The following ESRRG variants were observed in gnomAD, a reference collection of about 807,000 sequenced individuals.
ESRRG encodes estrogen related receptor gamma.
ESRRG carries 13 observed loss-of-function variants against 44.0 expected under a neutral mutation model. That is an observed-to-expected ratio of 0.30 (90% CI 0.19 to 0.47). The LOEUF is 0.47. ESRRG is among the 20% of genes least tolerant of loss of function. The pLI, the probability that ESRRG is intolerant of heterozygous loss-of-function variation, is 1.00. For synonymous variants in ESRRG, 215 were observed against 214.6 expected (o/e 1.00, Z -0.02); for missense variants, 395 against 580.6 (o/e 0.68, Z 3.29).
In ESRRG at chr1:217,117,177, G is replaced by A. The variant is rs114544310; in HGVS notation, c.-230+20490C>T. ...CTAAACAACTATGGAACCTTGAAAA[G>A]CCACATCCCTTCTCTAAGCCCCAGC... On this transcript the variant is annotated intron_variant, in intron 1 of 8. Transcript: ENST00000366940. 4.8e-3 allele frequency among the ~76,000 whole-genome samples: 735 copies of A among 152,300 alleles called. 10 individuals are homozygous for A. Among genetic ancestry groups the A allele is most frequent in the African/African-American group, 0.017 (720 of 41,560 alleles).
At position 216,616,527 on chromosome 1, in the gene ESRRG, T is replaced by C. The variant is rs147366159; in HGVS notation, c.589+34446A>G. ...TAAATGCAAATGTGTTAGGATTGTG[T>C]GTTGATCTGTACCTACTGTGATGAC... On this transcript the variant is annotated intron_variant, in intron 3 of 6. Coordinates refer to ENST00000408911, the MANE Select transcript of ESRRG (RefSeq NM_001438.4). Among the ~76,000 whole-genome samples the C allele has an allele frequency of 2.7e-3, 416 of 152,350 alleles. 3 individuals carry two copies. Among genetic ancestry groups the C allele is most frequent in the African/African-American group, 9.6e-3 (400 of 41,582 alleles).
chr1:216,508,843 A>G (rs551728260), intron 6 of ESRRG, among the ~76,000 whole-genome samples: 35 of 152,284 alleles, frequency 2.3e-4, no homozygotes, highest in African/African-American at 8.4e-4. Context: ...TAGATACACA[A>G]AAGACTGCAA....
At chr1:216,586,764 A>G (rs1186540253) in intron 3 of ESRRG, among the ~76,000 whole-genome samples, 2 of 151,850 alleles carry the variant, frequency 1.3e-5, no homozygotes, top group African/African-American at 4.8e-5. Flanking sequence ...TTTTGTAGAG[A>G]CGGGGTTTCA....
chr1:217,030,627 A>AT (rs996345541), intron 1 of ESRRG, among the ~76,000 whole-genome samples: 1 of 152,048 alleles, frequency 6.6e-6, no homozygotes, highest in East Asian at 1.9e-4. Context: ...CTTCATTGTT[A>AT]TTTTTTTCTT....
chr1:216,714,552 C>A, intron 1 of ESRRG: 1 of 977,556 alleles, frequency 1.0e-6, no homozygotes, highest in Non-Finnish European at 1.2e-6. Flanking sequence ...GCAAGGCTGT[C>A]ACATATGGTG....
chr1:216,726,615 A>G (rs908373873), upstream of ESRRG, among the ~76,000 whole-genome samples: 2 of 152,172 alleles, frequency 1.3e-5, no homozygotes, highest in Admixed American at 1.3e-4. Flanking sequence ...ATCTTACCAC[A>G]AGGAGTCTAC....
chr1:217,022,367 C>A (rs2080463892), intron 1 of ESRRG, among the ~76,000 whole-genome samples: 1 of 152,172 alleles, frequency 6.6e-6, no homozygotes, highest in Admixed American at 6.5e-5. Context: ...ACATCAATTA[C>A]CGATTTAGGG....
intron 2 of ESRRG, among the ~76,000 whole-genome samples, chr1:216,876,566 G>T (rs1030851): frequency 0.25 from 37,121 of 147,746 alleles, 6,193 homozygotes; most frequent in African/African-American, 0.5. Flanking sequence ...CTTTTTATTT[G>T]TTTTTTCAAA....
chr1:216,885,984 A>T (rs6667413), intron 2 of ESRRG, among the ~76,000 whole-genome samples: 7,951 of 149,726 alleles, frequency 0.053, 492 homozygotes, highest in African/African-American at 0.15. Context: ...CCTTTTTTTT[A>T]AAAAAAAAAC....
intron 3 of ESRRG, among the ~76,000 whole-genome samples, chr1:216,605,538 G>T (rs1433612754): frequency 6.6e-6 from 1 of 152,146 alleles, no homozygotes; most frequent in Non-Finnish European, 1.5e-5. Context: ...AGGTGTGAAA[G>T]AGGATTATAT....
At chr1:216,543,721 G>A (rs1442106065) in intron 5 of ESRRG, among the ~76,000 whole-genome samples, 1 of 152,004 alleles carries the variant, frequency 6.6e-6, no homozygotes, top group East Asian at 1.9e-4. Context: ...CAGATGAACA[G>A]GGTTGAAACA....
At position 216,821,701 on chromosome 1, in the gene ESRRG, TA is replaced by T. The variant is rs975521934; in HGVS notation, c.-14+117880del. Among the ~76,000 whole-genome samples the T allele has an allele frequency of 6.2e-5, 5 of 80,526 alleles. 1 individual carries two copies. The highest frequency in any genetic ancestry group is 2.1e-4 in the African/African-American group (5 of 23,938). 52.8% of individuals were successfully genotyped at this position (80,526 alleles called of 152,430 possible). The stretch of plus-strand genomic sequence containing the variant: ...ACCTGCCTCAGGAAAAATAAATAAA[TA>T]AATAAATAAATAAATAAATAAATAA... On this transcript the variant is annotated intron_variant, in intron 2 of 7. Transcript: ENST00000359162.
intron 1 of ESRRG, among the ~76,000 whole-genome samples, chr1:217,070,702 T>C (rs1309891626): frequency 6.6e-6 from 1 of 152,210 alleles, no homozygotes; most frequent in Non-Finnish European, 1.5e-5. Context: ...TCTGGAAAAG[T>C]AAAATAATGC....
At chr1:216,693,582 A>C (rs2079513879) in intron 1 of ESRRG, among the ~76,000 whole-genome samples, 1 of 152,168 alleles carries the variant, frequency 6.6e-6, no homozygotes, top group Non-Finnish European at 1.5e-5. Flanking sequence ...CTTCCCATAT[A>C]CTTTAAATCA....
At chr1:216,652,051 C>A (rs1232307323) in intron 2 of ESRRG, among the ~76,000 whole-genome samples, 2 of 152,126 alleles carry the variant, frequency 1.3e-5, no homozygotes, top group Non-Finnish European at 2.9e-5. Flanking sequence ...TACTTCCTAA[C>A]CCTTTCCCCT....
At chr1:216,815,884 C>G (rs2095120431) in intron 2 of ESRRG, among the ~76,000 whole-genome samples, 1 of 152,160 alleles carries the variant, frequency 6.6e-6, no homozygotes, top group Non-Finnish European at 1.5e-5. Context: ...GTCTATTGGC[C>G]ATATGTTATT....
chr1:217,094,948 C>CA (rs1296555660), intron 1 of ESRRG, among the ~76,000 whole-genome samples: 2 of 152,148 alleles, frequency 1.3e-5, no homozygotes, highest in Non-Finnish European at 1.5e-5. Context: ...AGGCAAATTC[C>CA]TTAACCAGGT....
At chr1:216,848,707 C>G (rs767126573) in intron 2 of ESRRG, among the ~76,000 whole-genome samples, 1 of 151,976 alleles carries the variant, frequency 6.6e-6, no homozygotes, top group Non-Finnish European at 1.5e-5. Context: ...CTCATATTTA[C>G]TATATTTAGT....
chr1:216,664,946 T>G (rs2073522638), intron 2 of ESRRG, among the ~76,000 whole-genome samples: 1 of 152,116 alleles, frequency 6.6e-6, no homozygotes, highest in African/African-American at 2.4e-5. Flanking sequence ...GCAGTATTAT[T>G]TACAATAGCC....
Sources: gnomAD v4.1 joint callset for allele counts (sites outside exome capture counted in the v4.1 genomes callset) on GRCh38, gnomAD v4.1.1 for gene constraint, MANE v1.5 for transcripts, NCBI Gene and HGNC (gene_info 2026-07-23, HGNC 2026-07-21) for gene names.